ANO1: variants seen among roughly 807,000 people sequenced by gnomAD.
The protein encoded by ANO1 is anoctamin 1.
A neutral mutation model predicts 124.0 loss-of-function variants in ANO1; 59 were observed. The ratio of observed to expected loss-of-function variants is 0.48; its 90% CI spans 0.39 to 0.59. The LOEUF is 0.59. Ranked by LOEUF, ANO1 falls within the 20% of genes least tolerant of loss-of-function variation. The pLI is 0.00. For synonymous variants in ANO1, 529 were observed against 532.0 expected (o/e 0.99, Z 0.08); for missense variants, 1,059 against 1,328.0 (o/e 0.80, Z 3.15).
chr11:69,972,642 C>T, the ANO1 span, among the ~76,000 whole-genome samples: 2 of 152,142 alleles, frequency 1.3e-5, no homozygotes, highest in African/African-American at 2.4e-5. Context: ...TGTGTAAAGA[C>T]GCTGTATCAA....
intron 1 of ANO1, among the ~76,000 whole-genome samples, chr11:70,011,310 G>T (rs546825795): frequency 6.2e-4 from 95 of 152,256 alleles, no homozygotes; most frequent in Admixed American, 1.6e-3. Flanking sequence ...GCAGTTAAGT[G>T]GGTGTCAGGA....
At chr11:70,100,540 G>C (rs2045225215) in intron 2 of ANO1, among the ~76,000 whole-genome samples, 1 of 152,200 alleles carries the variant, frequency 6.6e-6, no homozygotes, top group Non-Finnish European at 1.5e-5. Flanking sequence ...GGCCTTCGGA[G>C]GGAGCATGGC....
chr11:70,012,453 T>A (rs1474430500), intron 1 of ANO1, among the ~76,000 whole-genome samples: 1 of 151,854 alleles, frequency 6.6e-6, no homozygotes, highest in Non-Finnish European at 1.5e-5. Flanking sequence ...CATTCATCTA[T>A]CTATTTGTCC....
rs182798628 is a variant in ANO1, at chr11:70,185,545, G to A, written c.2589-45G>A. ...CTGCCTGACTCCAGCCAGAGCCTGA[G>A]CCCCACCGAAGTCCCACCCTCGACT... is the stretch of plus-strand genomic sequence containing the variant. On this transcript the variant is annotated intron_variant, in intron 24 of 25. Coordinates refer to ENST00000355303, the MANE Select transcript of ANO1 (RefSeq NM_018043.7). 2.5e-6 allele frequency: 4 copies of A among 1,569,332 alleles called. No homozygotes were observed. In the African/African-American group the frequency reaches 5.4e-5, roughly 21 times the overall value.
At chr11:70,139,106 A>G (rs1287629179) in intron 11 of ANO1, among the ~76,000 whole-genome samples, 1 of 152,112 alleles carries the variant, frequency 6.6e-6, no homozygotes, top group East Asian at 1.9e-4. Flanking sequence ...GTTGCTGCAA[A>G]GGCCTTCTTT....
At chr11:70,014,351 A>G (rs1856662063) in intron 1 of ANO1, among the ~76,000 whole-genome samples, 1 of 135,138 alleles carries the variant, frequency 7.4e-6, no homozygotes, top group Non-Finnish European at 1.5e-5. Flanking sequence ...TGCCTCCAAC[A>G]CCATAGAGCA....
At chr11:70,095,292 G>A (rs1474958786) in intron 2 of ANO1, among the ~76,000 whole-genome samples, 3 of 94,706 alleles carry the variant, frequency 3.2e-5, no homozygotes, top group Non-Finnish European at 6.9e-5. Context: ...AGGAAGGAAG[G>A]AAGGAAGGAA....
chr11:69,993,473 G>A (rs1591021147), intron 1 of ANO1, among the ~76,000 whole-genome samples: 1 of 152,168 alleles, frequency 6.6e-6, no homozygotes, highest in African/African-American at 2.4e-5. Context: ...AGGGGAAAAG[G>A]GAGAGAGCCT....
intron 1 of ANO1, chr11:70,064,601 T>G (rs1202736319): frequency 6.6e-6 from 1 of 152,102 alleles, no homozygotes; most frequent in African/African-American, 2.4e-5. Context: ...GAGAAGGAAA[T>G]AAAAGTTTTC....
At chr11:70,049,753 C>A (rs1406796424) in intron 1 of ANO1, among the ~76,000 whole-genome samples, 2 of 152,098 alleles carry the variant, frequency 1.3e-5, no homozygotes, top group African/African-American at 4.8e-5. Context: ...TGGAGTCTCA[C>A]TCTGTTGCGC....
At chr11:70,168,540 T>C (rs996208781) in intron 21 of ANO1, among the ~76,000 whole-genome samples, 11 of 152,178 alleles carry the variant, frequency 7.2e-5, no homozygotes, top group Non-Finnish European at 1.6e-4. Flanking sequence ...CCCATAGCCC[T>C]ACCCCTAGAG....
intron 7 of ANO1, among the ~76,000 whole-genome samples, chr11:70,113,311 A>C (rs1161713772): frequency 1.3e-5 from 2 of 152,160 alleles, no homozygotes; most frequent in Non-Finnish European, 2.9e-5. Context: ...AGCACTTAAT[A>C]AGTGCTCAAT....
upstream of ANO1, among the ~76,000 whole-genome samples, chr11:70,075,665 A>G (rs1555009933): frequency 2.0e-5 from 3 of 152,110 alleles, no homozygotes; most frequent in African/African-American, 7.2e-5. Flanking sequence ...TGCCCACAAA[A>G]TCTGTCCCTG....
chr11:69,972,356 G>C, the ANO1 span, among the ~76,000 whole-genome samples: 1 of 151,960 alleles, frequency 6.6e-6, no homozygotes. Flanking sequence ...GTCACTCGAG[G>C]ACACACTTTT....
At chr11:70,027,246 ACCCAC>A (rs1243736745) in intron 1 of ANO1, among the ~76,000 whole-genome samples, 6 of 152,190 alleles carry the variant, frequency 3.9e-5, no homozygotes, top group Non-Finnish European at 1.5e-5. Flanking sequence ...AGTATGCCTA[ACCCAC>A]CAAACATCCT....
At chr11:70,034,315 G>A (rs1270937804) in intron 1 of ANO1, among the ~76,000 whole-genome samples, 5 of 152,090 alleles carry the variant, frequency 3.3e-5, no homozygotes, top group African/African-American at 4.8e-5. Flanking sequence ...CTGCAGGACA[G>A]AGAAACCCCT....
At chr11:69,982,480 T>C (rs919999261), upstream of ANO1, among the ~76,000 whole-genome samples, 10 of 152,224 alleles carry the variant, frequency 6.6e-5, no homozygotes, top group Non-Finnish European at 1.5e-4. Context: ...CATTTCAGTG[T>C]TCTACCATGT....
At position 70,138,930 on chromosome 11, in the gene ANO1, C is replaced by G. The variant is rs1378237750; in HGVS notation, c.1258+6851C>G. ...ATAGTTTTTCCATCCTCACCCTCCT[C>G]CCACCCTCCACCCTCGAGTAGGCCT... On this transcript the variant is annotated intron_variant, in intron 11 of 25. Coordinates refer to ENST00000355303, the MANE Select transcript of ANO1 (RefSeq NM_018043.7). Among the ~76,000 whole-genome samples the G allele has an allele frequency of 3.3e-5, 5 of 152,114 alleles. 1 individual carries two copies. Among genetic ancestry groups the G allele is most frequent in the Admixed American group, 2.6e-4 (4 of 15,264 alleles).
intron 25 of ANO1, 149 bp from the exon 26 acceptor site, chr11:70,187,589 T>C: frequency 2.0e-6 from 2 of 1,007,198 alleles, no homozygotes; most frequent in Non-Finnish European, 2.8e-6. Flanking sequence ...ATGCCTCCTT[T>C]ATAGCTTCTG....
Sources: allele counts gnomAD v4.1 joint callset (sites outside exome capture counted in the v4.1 genomes callset), GRCh38; gene constraint gnomAD v4.1.1; transcripts MANE v1.5; gene names NCBI Gene and HGNC (gene_info 2026-07-23, HGNC 2026-07-21).